The following CUX2 variants were observed in gnomAD, a reference collection of about 807,000 sequenced individuals.
The protein encoded by CUX2 is homeobox protein cut-like 2.
Under a neutral mutation model 144.8 loss-of-function variants are expected in CUX2, and 40 were observed. That is an observed-to-expected ratio of 0.28 (90% CI 0.21 to 0.36). The LOEUF (loss-of-function observed/expected upper bound fraction) is 0.36. CUX2 is among the 10% of genes least tolerant of loss of function. The pLI is 1.00. For missense variants in CUX2, 1,615 were observed against 1,994.0 expected (o/e 0.81, Z 3.62); for synonymous variants, 827 against 875.6 (o/e 0.94, Z 0.98).
At chr12:111,081,069 G>A (rs1310754308) in intron 1 of CUX2, among the ~76,000 whole-genome samples, 1 of 152,142 alleles carries the variant, frequency 6.6e-6, no homozygotes, top group African/African-American at 2.4e-5. Context: ...TAGTGGGAGT[G>A]TTTCTGGAGA....
intron 4 of CUX2, among the ~76,000 whole-genome samples, chr12:111,285,289 G>A (rs1006296473): frequency 1.3e-5 from 2 of 152,116 alleles, no homozygotes; most frequent in African/African-American, 4.8e-5. Context: ...AGACCACCTG[G>A]GTCAGATGGG....
chr12:111,134,723 C>T (rs1412049740), intron 1 of CUX2, among the ~76,000 whole-genome samples: 1 of 151,450 alleles, frequency 6.6e-6, no homozygotes, highest in Non-Finnish European at 1.5e-5. Flanking sequence ...AAGGAGATGC[C>T]CAGGGAGACC....
At position 111,281,139 on chromosome 12, in the gene CUX2, C is replaced by T. The variant is rs1431946368; in HGVS notation, c.302-10279C>T. 2.0e-5 allele frequency among the ~76,000 whole-genome samples: 3 copies of T among 152,186 alleles called. No individual in the cohort carries two copies. In the East Asian group the frequency reaches 5.8e-4, roughly 29 times the overall value. ...CAAATTAGAATGTGTCCTCCCACTG[C>T]CCTTAGGATAAATCCCAACCCTCAT... is the stretch of plus-strand genomic sequence containing the variant. On this transcript the variant is annotated intron_variant, in intron 4 of 21. Transcript: ENST00000261726.
Position 111,304,186 on chromosome 12 carries a change from C to T in CUX2, c.754-24C>T, listed in dbSNP as rs1204764905. On this transcript the variant is annotated intron_variant, in intron 9 of 21. Coordinates refer to ENST00000261726, the MANE Select transcript of CUX2 (RefSeq NM_015267.4). This position sits in a 1 kb window ranked among gnomAD's most constrained non-coding sequence, Gnocchi z 4.7. Reference sequence around the variant, plus strand: ...AAGTGCAGAGTGGGCTCACCTCTCGCCCACACTGTCCCCTTCTCCCCAGCG... The same window carrying T: ...AAGTGCAGAGTGGGCTCACCTCTCGTCCACACTGTCCCCTTCTCCCCAGCG... 1 of 1,592,510 alleles carries T rather than the reference C, an allele frequency of 6.3e-7. No homozygotes were observed. Among genetic ancestry groups the T allele is most frequent in the South Asian group, 1.1e-5 (1 of 88,774 alleles).
intron 1 of CUX2, among the ~76,000 whole-genome samples, chr12:111,195,314 G>T (rs562040554): frequency 6.6e-6 from 1 of 151,906 alleles, no homozygotes; most frequent in Non-Finnish European, 1.5e-5. Flanking sequence ...TGGTATGTTG[G>T]CTGACAACCT....
chr12:111,263,630 C>A lies in CUX2; in HGVS notation c.223-131C>A, dbSNP rs531829409. On this transcript the variant is annotated intron_variant, in intron 3 of 21. Coordinates refer to ENST00000261726, the MANE Select transcript of CUX2 (RefSeq NM_015267.4). This position sits in a 1 kb window ranked among gnomAD's most constrained non-coding sequence, Gnocchi z 4.0. ...ACAGAGCAAGACTCTCTCTCAAAAACAAAACAAAACAAAACAAAACAAAAC... is the reference window on the plus strand; with the variant it reads ...ACAGAGCAAGACTCTCTCTCAAAAAAAAAACAAAACAAAACAAAACAAAAC... 5 of 712,820 alleles carry A rather than the reference C, an allele frequency of 7.0e-6. No individual in the cohort carries two copies. Among genetic ancestry groups the A allele is most frequent in the Admixed American group, 4.7e-5 (2 of 42,192 alleles). 44.2% of individuals were successfully genotyped at this position (712,820 alleles called of 1,614,324 possible).
chr12:111,168,036 G>T (rs185017623), intron 1 of CUX2, among the ~76,000 whole-genome samples: 2 of 152,216 alleles, frequency 1.3e-5, no homozygotes, highest in Admixed American at 1.3e-4. Context: ...GGAAACTGAG[G>T]CACAGAGAGA....
intron 1 of CUX2, among the ~76,000 whole-genome samples, chr12:111,127,538 C>A (rs1227703548): frequency 6.6e-6 from 1 of 152,192 alleles, no homozygotes; most frequent in African/African-American, 2.4e-5. Context: ...CCCAAAGTGG[C>A]CAGCTAACAG....
At position 111,158,065 on chromosome 12, in the gene CUX2, G is replaced by A. The variant is rs576873170; in HGVS notation, c.64-56135G>A. On this transcript the variant is annotated intron_variant, in intron 1 of 21. Transcript: ENST00000261726. Reference sequence around the variant, plus strand: ...AGGACCAATGTGATTCCACAGAGACGCAATCAGGAAGGTTCAAAGAAAAGA... The same window carrying A: ...AGGACCAATGTGATTCCACAGAGACACAATCAGGAAGGTTCAAAGAAAAGA... Among the ~76,000 whole-genome samples the A allele has an allele frequency of 1.2e-4, 19 of 152,252 alleles. 3 individuals carry two copies. The South Asian group carries it at 3.7e-3, about 30-fold the overall frequency.
intron 1 of CUX2, chr12:111,099,516 G>A (rs1383454764): frequency 6.6e-6 from 3 of 456,410 alleles, no homozygotes; most frequent in Non-Finnish European, 8.8e-6. Flanking sequence ...AGGGCAAGTT[G>A]TGGGGAGGTG....
At chr12:111,230,683 G>A (rs142609620) in intron 3 of CUX2, among the ~76,000 whole-genome samples, 39 of 152,358 alleles carry the variant, frequency 2.6e-4, no homozygotes, top group African/African-American at 9.1e-4. Context: ...TGATTCACAT[G>A]TTTGAGAGCC....
chr12:111,217,789 T>C lies in CUX2; in HGVS notation c.175-101T>C. The C allele has an allele frequency of 3.2e-6, 4 of 1,264,208 alleles. No homozygotes were observed. In the Admixed American group the frequency reaches 6.8e-5, roughly 22 times the overall value. The allele number at this position is 1,264,208 out of a possible 1,614,324, so 78.3% of individuals were successfully genotyped here. ...GGAGTTCAGGCCCCACGGGACATGCTTGGGAAATGCTGAGCCAGGGACAGC... is the reference window on the plus strand; with the variant it reads ...GGAGTTCAGGCCCCACGGGACATGCCTGGGAAATGCTGAGCCAGGGACAGC... On this transcript the variant is annotated intron_variant, in intron 2 of 21. Coordinates refer to ENST00000261726, the MANE Select transcript of CUX2 (RefSeq NM_015267.4).
intron 16 of CUX2, among the ~76,000 whole-genome samples, chr12:111,313,564 C>T (rs140340420): frequency 0.013 from 1,979 of 151,720 alleles, 43 homozygotes; most frequent in African/African-American, 0.045. Context: ...ATCTCTTGAC[C>T]ACAGGAGGCA....
chr12:111,101,833 G>A (rs1386046414), intron 1 of CUX2, among the ~76,000 whole-genome samples: 1 of 152,178 alleles, frequency 6.6e-6, no homozygotes, highest in Non-Finnish European at 1.5e-5. Flanking sequence ...TCCTAGCTAT[G>A]TGTGATATCA....
At chr12:111,053,453 C>T (rs909979986) in intron 1 of CUX2, among the ~76,000 whole-genome samples, 1 of 152,208 alleles carries the variant, frequency 6.6e-6, no homozygotes, top group African/African-American at 2.4e-5. Context: ...CAGCATTTCC[C>T]CAGCAGAGAT....
intron 9 of CUX2, among the ~76,000 whole-genome samples, chr12:111,300,560 A>G (rs12231269): frequency 0.16 from 24,146 of 152,176 alleles, 2,881 homozygotes; most frequent in African/African-American, 0.32. Flanking sequence ...GGTGTTCCTC[A>G]GCAGGGTGCA....
intron 1 of CUX2, among the ~76,000 whole-genome samples, chr12:111,108,548 G>GT (rs1427734058): frequency 6.6e-6 from 1 of 151,936 alleles, no homozygotes; most frequent in Non-Finnish European, 1.5e-5. Flanking sequence ...TATCTATTCA[G>GT]TTTTTTATTT....
intron 1 of CUX2, among the ~76,000 whole-genome samples, chr12:111,194,135 CTCTT>C (rs1880080847): frequency 6.6e-6 from 1 of 152,166 alleles, no homozygotes; most frequent in Non-Finnish European, 1.5e-5. Flanking sequence ...TAGAGCCAGA[CTCTT>C]TGTCTTGAAT....
At chr12:111,121,115 AAAAAC>A (rs1242783224) in intron 1 of CUX2, among the ~76,000 whole-genome samples, 2 of 151,656 alleles carry the variant, frequency 1.3e-5, no homozygotes, top group Non-Finnish European at 2.9e-5. Flanking sequence ...AAAAAAAAAA[AAAAAC>A]AACCCACAAC....
Sources: gnomAD v4.1 joint callset for allele counts (sites outside exome capture counted in the v4.1 genomes callset) on GRCh38, gnomAD v4.1.1 for gene constraint, Gnocchi (gnomAD v3.1) non-coding constraint, MANE v1.5 for transcripts, NCBI Gene and HGNC (gene_info 2026-07-23, HGNC 2026-07-21) for gene names.